Variants in CA10 observed in about 807,000 individuals in gnomAD.
CA10 encodes the protein carbonic anhydrase-related protein 10.
In CA10, 14 loss-of-function variants were observed where a neutral mutation model predicts 44.2. The observed-to-expected ratio is 0.32, with a 90% confidence interval of 0.21 to 0.50. CA10 has a LOEUF of 0.50. Ranked by LOEUF, CA10 falls within the 20% of genes least tolerant of loss-of-function variation. The pLI is 0.99. For synonymous variants in CA10, 159 were observed against 141.6 expected, an observed-to-expected ratio of 1.12 and a Z score of -0.87; for missense variants, 350 against 409.7, an observed-to-expected ratio of 0.85 and a Z score of 1.26.
rs529166931 is a variant in CA10, at chr17:51,915,621, G to A, written c.279+15369C>T. ...TTCCCCCATTACATTCCTCCAAGTG[G>A]ATAACTTACAGTTATTAACTTTCAG... On this transcript the variant is annotated intron_variant, in intron 3 of 8. Coordinates refer to ENST00000451037, the MANE Select transcript of CA10 (RefSeq NM_020178.5). 1.2e-4 allele frequency among the ~76,000 whole-genome samples: 19 copies of A among 152,158 alleles called. No homozygotes were observed. The South Asian group carries it at 3.7e-3, about 30-fold the overall frequency.
chr17:52,071,248 T>A (rs918524951), intron 2 of CA10, among the ~76,000 whole-genome samples: 1 of 152,224 alleles, frequency 6.6e-6, no homozygotes, highest in South Asian at 2.1e-4. Context: ...GTTAATAATA[T>A]TCATTTCTGA....
intron 3 of CA10, among the ~76,000 whole-genome samples, chr17:51,774,498 G>A (rs912544352): frequency 3.3e-5 from 5 of 151,544 alleles, no homozygotes; most frequent in South Asian, 2.1e-4. Flanking sequence ...GGAGTGCAGC[G>A]GTGCGATCTC....
At chr17:51,709,613 G>C (rs973389559) in intron 4 of CA10, among the ~76,000 whole-genome samples, 2 of 152,240 alleles carry the variant, frequency 1.3e-5, no homozygotes, top group African/African-American at 4.8e-5. Context: ...TGCAGCCAGG[G>C]TTGCAAAGCA....
intron 3 of CA10, among the ~76,000 whole-genome samples, chr17:51,891,417 C>T (rs192356635): frequency 6.6e-6 from 1 of 152,318 alleles, no homozygotes; most frequent in African/African-American, 2.4e-5. Context: ...AGTCAGACTT[C>T]AGCCTGGCCT....
At chr17:51,739,886 G>A (rs1043220552) in intron 4 of CA10, among the ~76,000 whole-genome samples, 2 of 152,100 alleles carry the variant, frequency 1.3e-5, no homozygotes, top group African/African-American at 4.8e-5. Context: ...CATTGGCAAA[G>A]CTCCTTAGTC....
At chr17:52,010,216 G>A (rs991954041) in intron 2 of CA10, among the ~76,000 whole-genome samples, 11 of 151,988 alleles carry the variant, frequency 7.2e-5, no homozygotes, top group Admixed American at 7.2e-4. Flanking sequence ...ACTAAAAGTA[G>A]ATCTACTGTT....
intron 2 of CA10, among the ~76,000 whole-genome samples, chr17:52,006,935 C>T (rs1020795327): frequency 1.3e-5 from 2 of 151,658 alleles, no homozygotes; most frequent in African/African-American, 2.4e-5. Flanking sequence ...CTTTTAGATC[C>T]TTGAATTGCA....
intron 3 of CA10, among the ~76,000 whole-genome samples, chr17:51,837,402 T>C (rs993870926): frequency 9.2e-5 from 14 of 152,166 alleles, no homozygotes; most frequent in Non-Finnish European, 1.8e-4. Context: ...GCAAATTAGA[T>C]GGATGGATTA....
chr17:51,823,695 G>A (rs1203888074), intron 3 of CA10, among the ~76,000 whole-genome samples: 1 of 152,220 alleles, frequency 6.6e-6, no homozygotes, highest in Non-Finnish European at 1.5e-5. Context: ...TGCAGTTAGT[G>A]CTCTTAGTGG....
At chr17:51,854,645 G>A (rs555732305) in intron 3 of CA10, among the ~76,000 whole-genome samples, 1 of 152,100 alleles carries the variant, frequency 6.6e-6, no homozygotes, top group Non-Finnish European at 1.5e-5. Context: ...GAAGGCAGAG[G>A]CATCAAGTCT....
intron 3 of CA10, among the ~76,000 whole-genome samples, chr17:51,853,498 C>G (rs1160896138): frequency 6.6e-6 from 1 of 152,186 alleles, no homozygotes; most frequent in Non-Finnish European, 1.5e-5. Flanking sequence ...TGCCCCAAAC[C>G]CCAACAGAGG....
intron 2 of CA10, among the ~76,000 whole-genome samples, chr17:52,043,546 T>C (rs766606244): frequency 3.9e-5 from 6 of 152,056 alleles, no homozygotes. Context: ...ATTTGAATCT[T>C]TTATTTCTTT....
intron 4 of CA10, among the ~76,000 whole-genome samples, chr17:51,738,088 C>CA (rs1408115621): frequency 2.6e-5 from 4 of 152,122 alleles, no homozygotes; most frequent in Admixed American, 2.6e-4. Context: ...AGAAATGATG[C>CA]AAAAAATTAA....
chr17:51,642,153 G>T (rs1913116664), intron 6 of CA10, among the ~76,000 whole-genome samples: 1 of 152,208 alleles, frequency 6.6e-6, no homozygotes, highest in Non-Finnish European at 1.5e-5. Context: ...GAGGTAAGCT[G>T]CTCCTGTTCT....
chr17:51,832,060 G>A (rs1273056694), intron 3 of CA10, among the ~76,000 whole-genome samples: 1 of 152,124 alleles, frequency 6.6e-6, no homozygotes, highest in Non-Finnish European at 1.5e-5. Flanking sequence ...CAACTTCTAG[G>A]TGCTTCAGGG....
chr17:52,109,376 G>T (rs1450270138), intron 1 of CA10, among the ~76,000 whole-genome samples: 2 of 152,080 alleles, frequency 1.3e-5, no homozygotes, highest in Non-Finnish European at 2.9e-5. Flanking sequence ...ATATTTCCAG[G>T]GGAAAACCAA....
intron 2 of CA10, among the ~76,000 whole-genome samples, chr17:51,956,356 C>T (rs1293909513): frequency 6.6e-6 from 1 of 152,050 alleles, no homozygotes; most frequent in Admixed American, 6.6e-5. Context: ...TATTTGATTG[C>T]CTTGTATGTT....
chr17:51,830,195 C>CAAAAAAAAAAAAAAAAAAAAAAAAAAAA, intron 3 of CA10, among the ~76,000 whole-genome samples: 1 of 89,986 alleles, frequency 1.1e-5, no homozygotes, highest in Non-Finnish European at 2.3e-5. Flanking sequence ...GACTCCATCT[C>CAAAAAAAAAAAAAAAAAAAAAAAAAAAA]AAAAAAAAAA....
At chr17:51,673,240 T>C (rs1914491238) in intron 4 of CA10, among the ~76,000 whole-genome samples, 1 of 152,224 alleles carries the variant, frequency 6.6e-6, no homozygotes, top group Non-Finnish European at 1.5e-5. Context: ...GGAACCTTGA[T>C]GTCCCAGATG....
Sources: gnomAD v4.1 joint callset for allele counts (sites outside exome capture counted in the v4.1 genomes callset) on GRCh38, gnomAD v4.1.1 for gene constraint, MANE v1.5 for transcripts, NCBI Gene and HGNC (gene_info 2026-07-23, HGNC 2026-07-21) for gene names.